Variants in CCDC148 observed in about 807,000 individuals in gnomAD.
CCDC148 encodes coiled-coil domain-containing protein 148.
Under a neutral mutation model 85.7 loss-of-function variants are expected in CCDC148, and 89 were observed. That is an observed-to-expected ratio of 1.04 (90% CI 0.87 to 1.24). The LOEUF (loss-of-function observed/expected upper bound fraction) is 1.24. Among genes scored for constraint, CCDC148 ranks in the 50% most tolerant of loss-of-function variants. The pLI is 0.00. For missense variants in CCDC148, 692 were observed against 671.7 expected (o/e 1.03, Z -0.33); for synonymous variants, 230 against 213.9 (o/e 1.08, Z -0.66).
chr2:158,354,622 G>T (rs994682361), intron 2 of CCDC148, among the ~76,000 whole-genome samples: 1 of 152,092 alleles, frequency 6.6e-6, no homozygotes, highest in Admixed American at 6.6e-5. Flanking sequence ...GGACCAGATG[G>T]ATTCACAGCT....
chr2:158,280,014 T>G (rs1690188988), intron 9 of CCDC148, among the ~76,000 whole-genome samples: 1 of 151,756 alleles, frequency 6.6e-6, no homozygotes, highest in African/African-American at 2.4e-5. Flanking sequence ...GAATTTCATA[T>G]CCAGCCAAAC....
intron 9 of CCDC148, among the ~76,000 whole-genome samples, chr2:158,275,911 A>T (rs1327203566): frequency 6.6e-6 from 1 of 152,178 alleles, no homozygotes; most frequent in African/African-American, 2.4e-5. Flanking sequence ...TTATGGCCTG[A>T]ACATCTATTC....
chr2:158,447,849 C>A (rs192779579), intron 1 of CCDC148, among the ~76,000 whole-genome samples: 1 of 152,230 alleles, frequency 6.6e-6, no homozygotes, highest in Non-Finnish European at 1.5e-5. Context: ...TGTCTTTTCA[C>A]TTTCTTACCA....
At chr2:158,386,542 A>G (rs1685094021) in intron 1 of CCDC148, among the ~76,000 whole-genome samples, 1 of 152,068 alleles carries the variant, frequency 6.6e-6, no homozygotes, top group East Asian at 1.9e-4. Flanking sequence ...TTAAATTTCA[A>G]ATTAACAGAT....
intron 7 of CCDC148, among the ~76,000 whole-genome samples, chr2:158,337,879 A>G (rs994170502): frequency 6.6e-6 from 1 of 152,218 alleles, no homozygotes; most frequent in Non-Finnish European, 1.5e-5. Flanking sequence ...TTCACAGGCA[A>G]TTCATAAGAA....
In CCDC148 at chr2:158,340,290, C is replaced by T. The variant is rs1441562880; in HGVS notation, c.438G>A (p.Gln146=). Residue 146 remains glutamine, a synonymous_variant, in exon 5 of 14, where the codon CAG becomes CAA. Coordinates refer to ENST00000283233, the MANE Select transcript of CCDC148 (RefSeq NM_138803.4). ...DLKYRQHHTL[Q]HSHPHIEFNS... is the part of the protein sequence containing the mutation. ...TAAACTCAATATGTGGGTGTGAATG[C>T]TGCAAAGTGTGATGCTGTCTGTATT... The T allele has an allele frequency of 6.2e-7, 1 of 1,613,908 alleles. No individual in the cohort carries two copies. Among genetic ancestry groups the T allele is most frequent in the East Asian group, 2.2e-5 (1 of 44,828 alleles).
chr2:158,231,066 C>T (rs186085183), intron 10 of CCDC148, among the ~76,000 whole-genome samples: 131 of 152,218 alleles, frequency 8.6e-4, no homozygotes, highest in African/African-American at 2.8e-3. Context: ...AGGGGCCAGA[C>T]GAACATCTGA....
intron 1 of CCDC148, among the ~76,000 whole-genome samples, chr2:158,401,399 A>C (rs1161597619): frequency 6.6e-6 from 1 of 152,176 alleles, no homozygotes; most frequent in Non-Finnish European, 1.5e-5. Context: ...TGTCCTTTGC[A>C]GGGACATGGA....
intron 1 of CCDC148, among the ~76,000 whole-genome samples, chr2:158,410,559 T>C (rs991067790): frequency 3.3e-5 from 5 of 152,190 alleles, no homozygotes; most frequent in African/African-American, 1.2e-4. Flanking sequence ...GAGGCTTGCA[T>C]AAAATATCTT....
chr2:158,429,892 C>T (rs1461791435), intron 1 of CCDC148, among the ~76,000 whole-genome samples: 1 of 152,138 alleles, frequency 6.6e-6, no homozygotes, highest in African/African-American at 2.4e-5. Context: ...GGCCATACAA[C>T]AGGGAGAGCA....
At chr2:158,266,903 TATAC>T (rs907183342) in intron 9 of CCDC148, among the ~76,000 whole-genome samples, 12 of 128,316 alleles carry the variant, frequency 9.4e-5, no homozygotes, top group Non-Finnish European at 1.2e-4. Flanking sequence ...TACATATATA[TATAC>T]ACACACATAT....
intron 1 of CCDC148, among the ~76,000 whole-genome samples, chr2:158,436,637 G>A (rs959510432): frequency 2.0e-5 from 3 of 150,536 alleles, no homozygotes; most frequent in Non-Finnish European, 3.0e-5. Flanking sequence ...AGAGCAGAAC[G>A]GAAGGAGATA....
rs190502704 is a variant in CCDC148 at position 158,349,137 on chromosome 2, C to A, written c.148-3819G>T. 8.5e-5 allele frequency among the ~76,000 whole-genome samples: 13 copies of A among 152,050 alleles called. No individual in the cohort carries two copies. The East Asian group carries it at 2.5e-3, about 29-fold the overall frequency. On this transcript the variant is annotated intron_variant, in intron 2 of 13. Coordinates refer to ENST00000283233, the MANE Select transcript of CCDC148 (RefSeq NM_138803.4). The stretch of plus-strand genomic sequence containing the variant: ...ATCACATCTAACTTGTTAATAATAT[C>A]AGTAGTACAAATCAGACAGGTAGCT...
chr2:158,268,165 T>G (rs534753811), intron 9 of CCDC148, among the ~76,000 whole-genome samples: 1 of 152,328 alleles, frequency 6.6e-6, no homozygotes, highest in African/African-American at 2.4e-5. Flanking sequence ...GCCAAACTGT[T>G]TTTCCAAAAT....
chr2:158,374,139 G>T (rs1301146384), intron 1 of CCDC148, among the ~76,000 whole-genome samples: 1 of 151,992 alleles, frequency 6.6e-6, no homozygotes, highest in Admixed American at 6.6e-5. Flanking sequence ...AAGTCAAAAT[G>T]GTCAGTAGAT....
chr2:158,422,192 T>G (rs192252878), intron 1 of CCDC148, among the ~76,000 whole-genome samples: 3 of 152,204 alleles, frequency 2.0e-5, no homozygotes, highest in African/African-American at 7.2e-5. Context: ...CTTCTGAAAC[T>G]ATTCCAAATA....
At chr2:158,414,605 G>A (rs111911763) in intron 1 of CCDC148, among the ~76,000 whole-genome samples, 4,130 of 152,142 alleles carry the variant, frequency 0.027, 75 homozygotes, top group Middle Eastern at 0.095. Context: ...ATGTGTGCTA[G>A]GCACTATATG....
At chr2:158,360,816 G>T (rs942979660) in intron 1 of CCDC148, among the ~76,000 whole-genome samples, 5 of 151,968 alleles carry the variant, frequency 3.3e-5, no homozygotes, top group African/African-American at 1.2e-4. Context: ...AAACTGGATG[G>T]AAAATCAATT....
At position 158,404,356 on chromosome 2, in the gene CCDC148, C is replaced by A. The variant is rs1473257061; in HGVS notation, c.26-45786G>T. 1.3e-5 allele frequency among the ~76,000 whole-genome samples: 2 copies of A among 151,964 alleles called. 1 individual carries two copies. The highest frequency in any genetic ancestry group is 4.2e-4 in the South Asian group (2 of 4,816). On this transcript the variant is annotated intron_variant, in intron 1 of 13. Coordinates refer to ENST00000283233, the MANE Select transcript of CCDC148 (RefSeq NM_138803.4). ...TGCTACACAACATGAAATACAAAATCATATTAGTAAATGAGGATGCCTAGA... is the reference window on the plus strand; with the variant it reads ...TGCTACACAACATGAAATACAAAATAATATTAGTAAATGAGGATGCCTAGA...
Sources: gnomAD v4.1 joint callset for allele counts (sites outside exome capture counted in the v4.1 genomes callset) on GRCh38, gnomAD v4.1.1 for gene constraint, MANE v1.5 for transcripts, NCBI Gene and HGNC (gene_info 2026-07-23, HGNC 2026-07-21) for gene names.